The following KANSL1L variants were observed in gnomAD, a reference collection of about 807,000 sequenced individuals.
KANSL1L encodes KAT8 regulatory NSL complex subunit 1-like protein.
Under a neutral mutation model 108.6 loss-of-function variants are expected in KANSL1L, and 25 were observed. The ratio of observed to expected loss-of-function variants is 0.23; its 90% confidence interval spans 0.17 to 0.32. KANSL1L has a LOEUF of 0.32. Ranked by LOEUF, KANSL1L falls within the 10% of genes least tolerant of loss-of-function variation. The pLI, the probability that KANSL1L is intolerant of heterozygous loss-of-function variation, is 1.00. For missense variants in KANSL1L, 1,137 were observed against 1,125.7 expected, an observed-to-expected ratio of 1.01 and a Z score of -0.14; for synonymous variants, 405 against 395.1, an observed-to-expected ratio of 1.03 and a Z score of -0.30.
At chr2:210,087,831 G>A (rs911176307) in intron 5 of KANSL1L, among the ~76,000 whole-genome samples, 8 of 152,114 alleles carry the variant, frequency 5.3e-5, no homozygotes, top group East Asian at 1.9e-4. Context: ...TCAGATTGCC[G>A]TGCAGGATCA....
intron 4 of KANSL1L, among the ~76,000 whole-genome samples, chr2:210,102,008 T>C (rs371190129): frequency 3.3e-5 from 5 of 152,212 alleles, no homozygotes; most frequent in Non-Finnish European, 5.9e-5. Flanking sequence ...TTTCTACATA[T>C]GGCTAGCCAG....
intron 12 of KANSL1L, among the ~76,000 whole-genome samples, chr2:210,025,739 G>A (rs2093927643): frequency 6.6e-6 from 1 of 152,042 alleles, no homozygotes; most frequent in African/African-American, 2.4e-5. Flanking sequence ...TTTTAGACAC[G>A]GGTCTCTGTC....
At chr2:210,028,016 C>A (rs2093960893) in intron 11 of KANSL1L, among the ~76,000 whole-genome samples, 1 of 152,176 alleles carries the variant, frequency 6.6e-6, no homozygotes, top group Non-Finnish European at 1.5e-5. Context: ...ACCCACCTGT[C>A]TCTGTTTGCA....
chr2:210,165,738 A>G (rs998525018), intron 1 of KANSL1L, among the ~76,000 whole-genome samples: 3 of 152,218 alleles, frequency 2.0e-5, no homozygotes, highest in Admixed American at 2.0e-4. Flanking sequence ...AAGAACGTTC[A>G]TTGTGAGTTA....
At chr2:210,030,348 A>AG (rs2125134604) in intron 9 of KANSL1L, among the ~76,000 whole-genome samples, 1 of 152,036 alleles carries the variant, frequency 6.6e-6, no homozygotes, top group Non-Finnish European at 1.5e-5. Flanking sequence ...TTCTGCTATT[A>AG]TAAGTACATG....
chr2:210,157,857 A>G (rs1453916478), intron 1 of KANSL1L, among the ~76,000 whole-genome samples: 1 of 152,052 alleles, frequency 6.6e-6, no homozygotes, highest in Non-Finnish European at 1.5e-5. Flanking sequence ...CAAAAAAATG[A>G]TAGTGCCATT....
At chr2:210,148,737 G>C (rs2095282580) in intron 2 of KANSL1L, among the ~76,000 whole-genome samples, 1 of 152,076 alleles carries the variant, frequency 6.6e-6, no homozygotes, top group Non-Finnish European at 1.5e-5. Flanking sequence ...AAGTAACAAA[G>C]TCAAGCGAAA....
At chr2:210,152,809 T>C (rs2095312044) in intron 2 of KANSL1L, 1 of 152,224 alleles carries the variant, frequency 6.6e-6, no homozygotes, top group Non-Finnish European at 1.5e-5. Flanking sequence ...GGGCTCCCTA[T>C]GTGCAGACTA....
At chr2:210,086,520 C>T (rs2094639258) in intron 5 of KANSL1L, among the ~76,000 whole-genome samples, 2 of 148,994 alleles carry the variant, frequency 1.3e-5, no homozygotes, top group Admixed American at 6.7e-5. Flanking sequence ...TGACACTTTT[C>T]TAGGCGATAT....
intron 3 of KANSL1L, among the ~76,000 whole-genome samples, chr2:210,118,881 A>G (rs528109702): frequency 1.8e-4 from 28 of 152,016 alleles, no homozygotes; most frequent in Admixed American, 1.3e-4. Flanking sequence ...ATTAAAGAAA[A>G]GCCCAGAGCT....
chr2:210,153,720 T>C lies in KANSL1L; in HGVS notation c.863A>G (p.Lys288Arg). ...AACTTCTGGCTTAATTTCAGTGCAT[T>C]TAGGTAAACTATTACCCAAAATTGT... ...PTTILGNSLP[K>R]CTEIKPEVNT... The change falls in exon 2 of 15, where the codon AAA becomes AGA. Residue 288 changes from lysine (K) to arginine (R), a missense_variant. This residue lies in a region of KANSL1L where 556 missense variants were observed against 537.7 expected (regional missense o/e 1.03). Coordinates refer to ENST00000281772, the MANE Select transcript of KANSL1L (RefSeq NM_152519.4). The C allele has an allele frequency of 6.2e-7, 1 of 1,604,760 alleles. No homozygotes were observed. Among genetic ancestry groups the C allele is most frequent in the Non-Finnish European group, 8.5e-7 (1 of 1,176,562 alleles).
chr2:210,102,620 G>GA (rs1268890512), intron 4 of KANSL1L, among the ~76,000 whole-genome samples: 5 of 151,816 alleles, frequency 3.3e-5, no homozygotes, highest in Non-Finnish European at 5.9e-5. Flanking sequence ...AAATTTACGA[G>GA]AAAAAAACAA....
intron 2 of KANSL1L, among the ~76,000 whole-genome samples, chr2:210,141,288 A>G (rs892362813): frequency 6.6e-6 from 1 of 151,542 alleles, no homozygotes; most frequent in East Asian, 1.9e-4. Flanking sequence ...TGTTGAATAG[A>G]TTGGTCAGAG....
Position 210,075,628 on chromosome 2 carries a change from G to A in KANSL1L, c.1679C>T (p.Ala560Val). 1 of 1,613,932 alleles carries A rather than the reference G, an allele frequency of 6.2e-7. No homozygotes were observed. Among genetic ancestry groups the A allele is most frequent in the Non-Finnish European group, 8.5e-7 (1 of 1,179,876 alleles). Residue 560 changes from alanine (A) to valine (V), a missense_variant, in exon 6 of 15, where the codon GCC becomes GTC. Around this residue, in one of 3 missense-constraint regions of KANSL1L, gnomAD observed 575 missense variants for 567.1 expected, o/e 1.01. Coordinates refer to ENST00000281772, the MANE Select transcript of KANSL1L (RefSeq NM_152519.4). The part of the protein sequence containing the change: ...SSSLTFMSTS[A>V]RTRPLQSFHK... ...GAAACTCTGAAGTGGCCTTGTTCGG[G>A]CTGATGTACTCATGAAAGTCAAGGA...
rs185523555 is a variant in KANSL1L, at chr2:210,135,908, A to G, written c.1089-6736T>C. Among the ~76,000 whole-genome samples, 393 of 152,244 alleles carry G rather than the reference A, an allele frequency of 2.6e-3. 1 individual carries two copies. Among genetic ancestry groups the G allele is most frequent in the Admixed American group, 5.9e-3 (90 of 15,272 alleles). ...AGCCTTACTGACATACAAGTTAATA[A>G]CTTACATACTCTATCATCAAGTTGT... On this transcript the variant is annotated intron_variant, in intron 2 of 14. Transcript: ENST00000281772.
chr2:210,089,304 A>T (rs2094669798), intron 5 of KANSL1L, among the ~76,000 whole-genome samples: 2 of 152,214 alleles, frequency 1.3e-5, no homozygotes, highest in African/African-American at 4.8e-5. Flanking sequence ...TGAGTACAGT[A>T]ATTTCTCTCT....
At chr2:210,127,609 G>A (rs1399992058) in intron 3 of KANSL1L, among the ~76,000 whole-genome samples, 4 of 151,594 alleles carry the variant, frequency 2.6e-5, no homozygotes, top group Non-Finnish European at 4.4e-5. Flanking sequence ...GACCAGCCTG[G>A]GCAATAGAGG....
At chr2:210,025,461 C>A (rs967434141) in intron 12 of KANSL1L, among the ~76,000 whole-genome samples, 1 of 152,150 alleles carries the variant, frequency 6.6e-6, no homozygotes, top group Non-Finnish European at 1.5e-5. Flanking sequence ...GAGGCTGAGG[C>A]AGAGAATTGC....
chr2:210,097,057 C>A (rs2094743413), intron 5 of KANSL1L: 1 of 181,958 alleles, frequency 5.5e-6, no homozygotes, highest in Non-Finnish European at 1.0e-5. Flanking sequence ...GATTCTTGTG[C>A]CTCAGGCTCT....
Sources: gnomAD v4.1 joint callset for allele counts (sites outside exome capture counted in the v4.1 genomes callset) on GRCh38, gnomAD v4.1.1 for gene constraint, gnomAD v4.1.1 regional missense constraint, MANE v1.5 for transcripts, NCBI Gene and HGNC (gene_info 2026-07-23, HGNC 2026-07-21) for gene names.